FZD5: variants seen among roughly 807,000 people sequenced by gnomAD.
FZD5 encodes frizzled class receptor 5, also known as frizzled-5.
A neutral mutation model predicts 40.8 loss-of-function variants in FZD5; 12 were observed. The observed-to-expected ratio is 0.29, with a 90% CI of 0.19 to 0.48. The LOEUF is 0.48. Among genes scored for constraint, FZD5 ranks in the 20% least tolerant of loss-of-function variants. The probability of loss-of-function intolerance (pLI) is 0.99; values close to 1 mark genes in which losing one functional copy is unlikely to be tolerated. For missense variants in FZD5, 622 were observed against 832.8 expected (o/e 0.75, Z 3.12); for synonymous variants, 380 against 383.7 (o/e 0.99, Z 0.11).
In FZD5 at chr2:207,769,011, G is replaced by A; in HGVS notation, c.-255-17C>T. ...GAAAGGACTCTTTAAAAAAGAAGGG[G>A]GAGAAGAAAGATTGCAACCACTCCC... On this transcript the variant is annotated splice_polypyrimidine_tract_variant and intron_variant, in intron 1 of 1. Transcript: ENST00000295417. The A allele has an allele frequency of 2.0e-6, 1 of 509,716 alleles. No homozygotes were observed. 31.6% of individuals were successfully genotyped at this position (509,716 alleles called of 1,614,324 possible). A position where few individuals can be genotyped will look rare whatever the true frequency, so the allele number is the denominator to read the frequency against.
chr2:207,768,238 T>A lies in FZD5; in HGVS notation c.502A>T (p.Thr168Ser). Residue 168 changes from threonine (T) to serine (S), a missense_variant, in exon 2 of 2, where the codon ACC (threonine) becomes TCC (serine). Coordinates refer to ENST00000295417, the MANE Select transcript of FZD5 (RefSeq NM_003468.4). ...GGCGCCCCTGGCGGGCCTGGAAGGG[T>A]GGGCTTGGCTGGGAAAGGCCTGGGG... ...APPRPFPAKP[T>S]LPGPPGAPAS... 6.4e-7 allele frequency: 1 copy of A among 1,555,568 alleles called. No homozygotes were observed. Among genetic ancestry groups the A allele is most frequent in the Non-Finnish European group, 8.6e-7 (1 of 1,156,488 alleles).
In FZD5 at chr2:207,767,817, T is replaced by G; in HGVS notation, c.923A>C (p.Glu308Ala). The G allele has an allele frequency of 6.2e-7, 1 of 1,609,522 alleles. No individual in the cohort carries two copies. Among genetic ancestry groups the G allele is most frequent in the Non-Finnish European group, 8.5e-7 (1 of 1,177,904 alleles). ...GGTGCACAGTGCAGGGCCCGTGGTC[T>G]CGTAGTGGATGTGGTTGTGCTCGCG... is the stretch of plus-strand genomic sequence containing the variant. ...CSREHNHIHYETTGPALCTIV... is the reference protein window; with the variant it reads ...CSREHNHIHYATTGPALCTIV... Residue 308 changes from glutamate to alanine, a missense_variant, in exon 2 of 2, where the codon GAG (glutamate) becomes GCG (alanine). Glu to Ala is a moderately radical substitution (Grantham distance 107). Coordinates refer to ENST00000295417, the MANE Select transcript of FZD5 (RefSeq NM_003468.4).
At position 207,769,597 on chromosome 2, in the gene FZD5, GGGCGGGAGGAA is replaced by G. The variant is rs1293719930; in HGVS notation, c.-599_-589del. 2 of 152,780 alleles carry G rather than the reference GGGCGGGAGGAA, an allele frequency of 1.3e-5. No individual in the cohort carries two copies. Among genetic ancestry groups the G allele is most frequent in the East Asian group, 3.9e-4 (2 of 5,176 alleles). The allele number at this position is 152,780 out of a possible 1,614,324, so 9.5% of individuals were successfully genotyped here. On this transcript the variant is annotated 5_prime_UTR_variant, in exon 1 of 2. Transcript: ENST00000295417. ...AGGGCGAGCGCGCCTGGCAGCACCT[GGGCGGGAGGAA>G]GGCGGGAGGCGGGGGCCGTGGGACC... is the stretch of plus-strand genomic sequence containing the variant.
chr2:207,769,010 G>A lies in FZD5; in HGVS notation c.-255-16C>T. 1.9e-6 allele frequency: 1 copy of A among 513,478 alleles called. No individual in the cohort carries two copies. The highest frequency in any genetic ancestry group is 3.5e-6 in the Non-Finnish European group (1 of 283,296). The allele number at this position is 513,478 out of a possible 1,614,324, so 31.8% of individuals were successfully genotyped here. A position where few individuals can be genotyped will look rare whatever the true frequency, so the allele number is the denominator to read the frequency against. The stretch of plus-strand genomic sequence containing the variant: ...GGAAAGGACTCTTTAAAAAAGAAGG[G>A]GGAGAAGAAAGATTGCAACCACTCC... On this transcript the variant is annotated splice_polypyrimidine_tract_variant and intron_variant, in intron 1 of 1. Transcript: ENST00000295417.
chr2:207,768,686 C>T lies in FZD5; in HGVS notation c.54G>A (p.Ala18=), dbSNP rs1575235554. 3 of 1,606,042 alleles carry T rather than the reference C, an allele frequency of 1.9e-6. No homozygotes were observed. The East Asian group carries it at 6.7e-5, about 36-fold the overall frequency. ...CGGCGGCCGCCCGGCCCACCAGCTG[C>T]GCTAGGAGCAGCAGCAACAGCGAGG... is the stretch of plus-strand genomic sequence containing the variant. ...APPSLLLLLL[A]QLVGRAAAAS... is the part of the protein sequence containing the mutation. Residue 18 remains alanine (A), a synonymous_variant, in exon 2 of 2, where the codon GCG becomes GCA. Coordinates refer to ENST00000295417, the MANE Select transcript of FZD5 (RefSeq NM_003468.4).
Position 207,768,648 on chromosome 2 carries a change from G to A in FZD5, c.92C>T (p.Pro31Leu), listed in dbSNP as rs960644618. 6.2e-7 allele frequency: 1 copy of A among 1,612,628 alleles called. No individual in the cohort carries two copies. The highest frequency in any genetic ancestry group is 1.3e-5 in the African/African-American group (1 of 74,912). Residue 31 changes from proline (P) to leucine (L), a missense_variant, in exon 2 of 2, where the codon CCG (proline) becomes CTG (leucine). Coordinates refer to ENST00000295417, the MANE Select transcript of FZD5 (RefSeq NM_003468.4). ...GGGCACCGTGATTTCCTGGCACACC[G>A]GGGCCTTGGACGCGGCGGCCGCCCG... ...VGRAAAASKA[P>L]VCQEITVPMC...
At position 207,764,352 on chromosome 2, in the gene FZD5, C is replaced by G. The variant is rs6435388; in HGVS notation, c.*2630G>C. 0.99 allele frequency: 150,564 copies of G among 152,386 alleles called. 74,397 individuals are homozygous for G. The highest frequency in any genetic ancestry group is 1 in the Middle Eastern group (294 of 294). 9.4% of individuals were successfully genotyped at this position (152,386 alleles called of 1,614,324 possible). The stretch of plus-strand genomic sequence containing the variant: ...ATCACATGCAAATTGGGGGAAGTAA[C>G]TATATGGATGGAAACAGGGGGTGGC... On this transcript the variant is annotated 3_prime_UTR_variant, in exon 2 of 2. Transcript: ENST00000295417.
In FZD5 at chr2:207,768,419, C is replaced by G; in HGVS notation, c.321G>C (p.Ser107=). 3 of 1,608,980 alleles carry G rather than the reference C, an allele frequency of 1.9e-6. No individual in the cohort carries two copies. The highest frequency in any genetic ancestry group is 1.7e-6 in the Non-Finnish European group (2 of 1,179,640). ...AGCCGGCCTTGGCGCGCTCGCACAC[C>G]GAGCGGCAGGGCGGCAGCGGCTTGT... The part of the protein sequence containing the change: ...DYHKPLPPCR[S]VCERAKAGCS... Residue 107 remains serine, a synonymous_variant, in exon 2 of 2, where the codon TCG becomes TCC. Coordinates refer to ENST00000295417, the MANE Select transcript of FZD5 (RefSeq NM_003468.4).
rs1016940139 is a variant in FZD5 at position 207,767,676 on chromosome 2, C to T, written c.1064G>A (p.Gly355Asp). The T allele has an allele frequency of 2.2e-5, 35 of 1,613,580 alleles. No individual in the cohort carries two copies. Among genetic ancestry groups the T allele is most frequent in the Non-Finnish European group, 3.0e-5 (35 of 1,179,794 alleles). Reference sequence around the variant, plus strand: ...AGCCAGGTGGAAGTACTGCGCGTAGCCCGCGATGGCCTCGTTGCCCCACTT... The same window carrying T: ...AGCCAGGTGGAAGTACTGCGCGTAGTCCGCGATGGCCTCGTTGCCCCACTT... ...GMKWGNEAIA[G>D]YAQYFHLAAW... is the part of the protein sequence containing the mutation. The change falls in exon 2 of 2, where the codon GGC becomes GAC. Residue 355 changes from glycine to aspartate, a missense_variant. Physicochemically the swap from Gly to Asp is moderately conservative, Grantham distance 94. This residue lies in a region of FZD5 where 208 missense variants were observed against 348.9 expected (regional missense o/e 0.60). Coordinates refer to ENST00000295417, the MANE Select transcript of FZD5 (RefSeq NM_003468.4).
Position 207,766,314 on chromosome 2 carries a change from C to A in FZD5, c.*668G>T, listed in dbSNP as rs1308660185. 1 of 152,270 alleles carries A rather than the reference C, an allele frequency of 6.6e-6. No homozygotes were observed. Among genetic ancestry groups the A allele is most frequent in the East Asian group, 1.9e-4 (1 of 5,202 alleles). The allele number at this position is 152,270 out of a possible 1,614,324, so 9.4% of individuals were successfully genotyped here. On this transcript the variant is annotated 3_prime_UTR_variant, in exon 2 of 2. Coordinates refer to ENST00000295417, the MANE Select transcript of FZD5 (RefSeq NM_003468.4). ...TATTACAAGCACTACAGAAAAGAAA[C>A]TGAACCTCCCTCTATAAACAAAGCT...
In FZD5 at chr2:207,765,870, G is replaced by A. The variant is rs1326183997; in HGVS notation, c.*1112C>T. ...CTCCAGGAGAGGAGGAATAAGAAAA[G>A]CAAAAAGGCTGTTTAACATGATAAA... On this transcript the variant is annotated 3_prime_UTR_variant, in exon 2 of 2. Coordinates refer to ENST00000295417, the MANE Select transcript of FZD5 (RefSeq NM_003468.4). 3 of 147,012 alleles carry A rather than the reference G, an allele frequency of 2.0e-5. No individual in the cohort carries two copies. Among genetic ancestry groups the A allele is most frequent in the Non-Finnish European group, 4.5e-5 (3 of 66,888 alleles). The allele number at this position is 147,012 out of a possible 1,614,324, so 9.1% of individuals were successfully genotyped here.
rs1311888262 is a variant in FZD5 at position 207,763,099 on chromosome 2, T to G, written c.*3883A>C. 6.6e-6 allele frequency: 1 copy of G among 152,488 alleles called. No individual in the cohort carries two copies. The highest frequency in any genetic ancestry group is 1.5e-5 in the Non-Finnish European group (1 of 68,034). 9.4% of individuals were successfully genotyped at this position (152,488 alleles called of 1,614,324 possible). On this transcript the variant is annotated 3_prime_UTR_variant, in exon 2 of 2. Transcript: ENST00000295417. ...AATGCCCTGGACTTCAACTACTGAC[T>G]CGGTATGTGCCTCATTTGGCTCAGT...
At position 207,762,801 on chromosome 2, in the gene FZD5, A is replaced by G. The variant is rs1262717571; in HGVS notation, c.*4181T>C. The G allele has an allele frequency of 6.6e-6, 1 of 152,658 alleles. No individual in the cohort carries two copies. Among genetic ancestry groups the G allele is most frequent in the Non-Finnish European group, 1.5e-5 (1 of 68,042 alleles). 9.5% of individuals were successfully genotyped at this position (152,658 alleles called of 1,614,324 possible). A position where few individuals can be genotyped will look rare whatever the true frequency, so the allele number is the denominator to read the frequency against. The stretch of plus-strand genomic sequence containing the variant: ...TAAGGTCAACAAATTAAGTATCTTG[A>G]GACTAACATAACCACATACAACTGC... On this transcript the variant is annotated 3_prime_UTR_variant, in exon 2 of 2. Transcript: ENST00000295417.
rs747858067 is a variant in FZD5 at position 207,767,280 on chromosome 2, G to A, written c.1460C>T (p.Pro487Leu). 1.2e-5 allele frequency: 19 copies of A among 1,610,824 alleles called. No homozygotes were observed. In the South Asian group the frequency reaches 2.0e-4, roughly 17 times the overall value. Reference sequence around the variant, plus strand: ...GCGCGGCTGGCCGGTGTCGTGGCCCGGGCAGGCGCAGGTGAGCGCCGCCTC... The same window carrying A: ...GCGCGGCTGGCCGGTGTCGTGGCCCAGGCAGGCGCAGGTGAGCGCCGCCTC... ...SWEAALTCAC[P>L]GHDTGQPRAK... Residue 487 changes from proline (P) to leucine (L), a missense_variant, in exon 2 of 2, where the codon CCG (proline) becomes CTG (leucine). Physicochemically the swap from Pro to Leu is moderately conservative, Grantham distance 98. Around this residue, in one of 4 missense-constraint regions of FZD5, gnomAD observed 154 missense variants for 152.1 expected, o/e 1.01. Transcript: ENST00000295417.
rs1320661525 is a variant in FZD5, at chr2:207,768,995, C to CT, written c.-255-2dup. 29 of 533,450 alleles carry CT rather than the reference C, an allele frequency of 5.4e-5. No individual in the cohort carries two copies. The East Asian group carries it at 9.2e-4, about 17-fold the overall frequency. 33.0% of individuals were successfully genotyped at this position (533,450 alleles called of 1,614,324 possible). A position where few individuals can be genotyped will look rare whatever the true frequency, so the allele number is the denominator to read the frequency against. On this transcript the variant is annotated splice_acceptor_variant, in intron 1 of 1. Coordinates refer to ENST00000295417, the MANE Select transcript of FZD5 (RefSeq NM_003468.4). LOFTEE classifies it low-confidence loss of function (5UTR_SPLICE). ...GGGCTCGGATTCCAGGGAAAGGACTCTTTAAAAAAGAAGGGGGAGAAGAAA... is the reference window on the plus strand; with the variant it reads ...GGGCTCGGATTCCAGGGAAAGGACTCTTTTAAAAAAGAAGGGGGAGAAGAAA...
In FZD5 at chr2:207,768,687, G is replaced by T. The variant is rs761213914; in HGVS notation, c.53C>A (p.Ala18Glu). 6.2e-7 allele frequency: 1 copy of T among 1,605,782 alleles called. No individual in the cohort carries two copies. ...GGCGGCCGCCCGGCCCACCAGCTGC[G>T]CTAGGAGCAGCAGCAACAGCGAGGG... ...APPSLLLLLLAQLVGRAAAAS... is the reference protein window; with the variant it reads ...APPSLLLLLLEQLVGRAAAAS... Residue 18 changes from alanine (A) to glutamate (E), a missense_variant, in exon 2 of 2, where the codon GCG becomes GAG. Transcript: ENST00000295417.
rs1210124875 is a variant in FZD5, at chr2:207,768,661, C to G, written c.79G>C (p.Ala27Pro). 6.2e-7 allele frequency: 1 copy of G among 1,610,512 alleles called. No homozygotes were observed. The part of the protein sequence containing the change: ...LAQLVGRAAA[A>P]SKAPVCQEIT... ...TCCTGGCACACCGGGGCCTTGGACG[C>G]GGCGGCCGCCCGGCCCACCAGCTGC... is the stretch of plus-strand genomic sequence containing the variant. The change falls in exon 2 of 2, where the codon GCG (alanine) becomes CCG (proline). Residue 27 changes from alanine to proline, a missense_variant. Around this residue, in one of 4 missense-constraint regions of FZD5, gnomAD observed 144 missense variants for 214.2 expected, o/e 0.67. Coordinates refer to ENST00000295417, the MANE Select transcript of FZD5 (RefSeq NM_003468.4).
chr2:207,767,086 C>T lies in FZD5; in HGVS notation c.1654G>A (p.Ala552Thr). 1 of 1,592,002 alleles carries T rather than the reference C, an allele frequency of 6.3e-7. No individual in the cohort carries two copies. Among genetic ancestry groups the T allele is most frequent in the South Asian group, 1.1e-5 (1 of 88,620 alleles). ...CTCGCCTCGGGGTAGTCCCCTGCGG[C>T]CATGGCGCCCCCGCTCTTGTGGCCG... ...RRGHKSGGAM[A>T]AGDYPEASAA... Residue 552 changes from alanine (A) to threonine (T), a missense_variant, in exon 2 of 2, where the codon GCC becomes ACC. By Grantham distance (58) the Ala-to-Thr change is moderately conservative. Transcript: ENST00000295417.
At position 207,767,338 on chromosome 2, in the gene FZD5, A is replaced by G; in HGVS notation, c.1402T>C (p.Tyr468His). The change falls in exon 2 of 2, where the codon TAC (tyrosine) becomes CAC (histidine). Residue 468 changes from tyrosine to histidine, a missense_variant. Transcript: ENST00000295417. Reference protein sequence around the residue: ...TVPASIVVACYLYEQHYRESW... With the variant: ...TVPASIVVACHLYEQHYRESW... ...TCGCGGTAGTGCTGCTCGTACAGGTAGCAGGCCACCACAATGCTGGCGGGG... is the reference window on the plus strand; with the variant it reads ...TCGCGGTAGTGCTGCTCGTACAGGTGGCAGGCCACCACAATGCTGGCGGGG... 6.2e-7 allele frequency: 1 copy of G among 1,612,356 alleles called. No homozygotes were observed. The highest frequency in any genetic ancestry group is 1.1e-5 in the South Asian group (1 of 91,070).
Sources: gnomAD v4.1 joint callset for allele counts on GRCh38, gnomAD v4.1.1 for gene constraint, gnomAD v4.1.1 regional missense constraint, MANE v1.5 for transcripts, NCBI Gene and HGNC (gene_info 2026-07-23, HGNC 2026-07-21) for gene names.